Variants in GMIP observed in about 807,000 individuals in gnomAD.
GMIP encodes the protein GEM-interacting protein.
A neutral mutation model predicts 105.3 loss-of-function variants in GMIP; 54 were observed. That is an observed-to-expected ratio of 0.51 (90% CI 0.41 to 0.64). GMIP has a LOEUF of 0.64. Ranked by LOEUF, GMIP falls within the 30% of genes least tolerant of loss-of-function variation. The pLI is 0.00. For synonymous variants in GMIP, 541 were observed against 560.8 expected (o/e 0.96, Z 0.50); for missense variants, 1,110 against 1,319.4 (o/e 0.84, Z 2.46).
chr19:19,643,656 G>T lies in GMIP; in HGVS notation c.-127C>A. On this transcript the variant is annotated 5_prime_UTR_variant, in exon 1 of 21. It adds an upstream start codon to the 5' untranslated region. Transcript: ENST00000203556. ...CCTCGGTTCCGCGTCGCCCTGCCCAGCGGAGGCCACGCCCCCGCATCAGAC... is the reference window on the plus strand; with the variant it reads ...CCTCGGTTCCGCGTCGCCCTGCCCATCGGAGGCCACGCCCCCGCATCAGAC... The T allele has an allele frequency of 1.3e-6, 1 of 742,454 alleles. No individual in the cohort carries two copies. Among genetic ancestry groups the T allele is most frequent in the Non-Finnish European group, 2.1e-6 (1 of 483,794 alleles). The allele number at this position is 742,454 out of a possible 1,614,324, so 46.0% of individuals were successfully genotyped here. A position where few individuals can be genotyped will look rare whatever the true frequency, so the allele number is the denominator to read the frequency against.
intron 2 of GMIP, 44 bp downstream of exon 2, chr19:19,642,491 G>T: frequency 1.6e-6 from 2 of 1,237,654 alleles, no homozygotes; most frequent in Middle Eastern, 1.9e-4. Context: ...TAGGGGCTTG[G>T]GGCATCTTGG....
Position 19,633,891 on chromosome 19 carries a change from G to A in GMIP, c.2384C>T (p.Ser795Phe). 6.6e-7 allele frequency: 1 copy of A among 1,511,956 alleles called. No individual in the cohort carries two copies. The highest frequency in any genetic ancestry group is 8.9e-7 in the Non-Finnish European group (1 of 1,127,618). The allele number at this position is 1,511,956 out of a possible 1,614,324, so 93.7% of individuals were successfully genotyped here. A position where few individuals can be genotyped will look rare whatever the true frequency, so the allele number is the denominator to read the frequency against. ...QPPPPHLDPD[S>F]QPPVLASDPG... ...GTCTGAGGCTAGGACTGGGGGCTGGGAGTCTGGGTCAAGGTGCGGGGGTGG... is the reference window on the plus strand; with the variant it reads ...GTCTGAGGCTAGGACTGGGGGCTGGAAGTCTGGGTCAAGGTGCGGGGGTGG... The change falls in exon 19 of 21, where the codon TCC (serine) becomes TTC (phenylalanine). Residue 795 changes from serine to phenylalanine, a missense_variant. Transcript: ENST00000203556.
chr19:19,640,364 G>C lies in GMIP; in HGVS notation c.365-4C>G, dbSNP rs2061905564. ...GTGCTCTTAGCAAACTCCAGCTCTGGGGGAAGAGAGAGCCGGGCTCTGGGT... is the reference window on the plus strand; with the variant it reads ...GTGCTCTTAGCAAACTCCAGCTCTGCGGGAAGAGAGAGCCGGGCTCTGGGT... On this transcript the variant is annotated splice_region_variant and splice_polypyrimidine_tract_variant and intron_variant, in intron 5 of 20. Coordinates refer to ENST00000203556, the MANE Select transcript of GMIP (RefSeq NM_016573.4). 6.2e-7 allele frequency: 1 copy of C among 1,614,016 alleles called. No homozygotes were observed. Among genetic ancestry groups the C allele is most frequent in the African/African-American group, 1.3e-5 (1 of 74,990 alleles).
intron 7 of GMIP, among the ~76,000 whole-genome samples, chr19:19,639,638 C>T (rs182768938): frequency 4.0e-4 from 61 of 152,156 alleles, no homozygotes; most frequent in Admixed American, 1.0e-3. Flanking sequence ...TACCTGAGGT[C>T]AGGAGTTGGA....
In GMIP at chr19:19,630,124, C is replaced by T; in HGVS notation, c.2752G>A (p.Ala918Thr). Residue 918 changes from alanine to threonine, a missense_variant, in exon 21 of 21, where the codon GCC becomes ACC. By Grantham distance (58) the Ala-to-Thr change is moderately conservative. Around this residue, in one of 3 missense-constraint regions of GMIP, gnomAD observed 394 missense variants for 450.5 expected, o/e 0.87. Coordinates refer to ENST00000203556, the MANE Select transcript of GMIP (RefSeq NM_016573.4). The surrounding 1 kb of genome is among the most constrained non-coding windows in gnomAD (Gnocchi z 4.8). ...LRGRGPSPAA[A>T]SPEGSPLRRT... is the part of the protein sequence containing the mutation. The stretch of plus-strand genomic sequence containing the variant: ...CGCAGGGGGCTGCCCTCAGGGGAGG[C>T]AGCTGCAGGGCTGGGCCCCCGCCCC... The T allele has an allele frequency of 6.2e-7, 1 of 1,607,072 alleles. No individual in the cohort carries two copies. The highest frequency in any genetic ancestry group is 8.5e-7 in the Non-Finnish European group (1 of 1,176,198).
chr19:19,642,115 G>A, intron 2 of GMIP, 64 bp from the exon 3 acceptor site: 4 of 1,049,262 alleles, frequency 3.8e-6, no homozygotes, highest in South Asian at 1.4e-5. Flanking sequence ...AGGGGTGCTG[G>A]GGACCTTAGG....
Position 19,638,488 on chromosome 19 carries a change from A to G in GMIP, c.538-6T>C. 6.2e-7 allele frequency: 1 copy of G among 1,613,426 alleles called. No individual in the cohort carries two copies. The highest frequency in any genetic ancestry group is 8.5e-7 in the Non-Finnish European group (1 of 1,179,694). ...GTCCGTTTGGCGGCGAGGGGCTGGC[A>G]AGGGTTGGGGATGGGGATGGAGACG... is the stretch of plus-strand genomic sequence containing the variant. On this transcript the variant is annotated splice_region_variant and splice_polypyrimidine_tract_variant and intron_variant, in intron 7 of 20. Transcript: ENST00000203556.
At position 19,630,138 on chromosome 19, in the gene GMIP, G is replaced by GGCCCCC. The variant is rs760187467; in HGVS notation, c.2732_2737dup (p.Arg911_Gly912dup). ...CTCAGGGGAGGCAGCTGCAGGGCTG[G>GGCCCCC]GCCCCCGCCCCCGCAAACTCCCTCT... On this transcript the variant is annotated inframe_insertion, in exon 21 of 21. Coordinates refer to ENST00000203556, the MANE Select transcript of GMIP (RefSeq NM_016573.4). The surrounding 1 kb of genome is among the most constrained non-coding windows in gnomAD (Gnocchi z 4.8). 3 of 1,604,424 alleles carry GGCCCCC rather than the reference G, an allele frequency of 1.9e-6. No individual in the cohort carries two copies. Among genetic ancestry groups the GGCCCCC allele is most frequent in the Non-Finnish European group, 8.5e-7 (1 of 1,174,434 alleles).
chr19:19,634,782 G>C lies in GMIP; in HGVS notation c.1887+10C>G. On this transcript the variant is annotated intron_variant, in intron 17 of 20. Coordinates refer to ENST00000203556, the MANE Select transcript of GMIP (RefSeq NM_016573.4). This position sits in a 1 kb window ranked among gnomAD's most constrained non-coding sequence, Gnocchi z 6.1. ...CTGCCCGCGTCCCCCTCAGTGTCCT[G>C]AGCACCAACCTCCTGAAGAAATCGC... is the stretch of plus-strand genomic sequence containing the variant. 6.2e-7 allele frequency: 1 copy of C among 1,613,692 alleles called. No individual in the cohort carries two copies. The highest frequency in any genetic ancestry group is 8.5e-7 in the Non-Finnish European group (1 of 1,179,974).
intron 19 of GMIP, among the ~76,000 whole-genome samples, chr19:19,631,905 G>GCT (rs2061799398): frequency 6.7e-6 from 1 of 150,198 alleles, no homozygotes; most frequent in Non-Finnish European, 1.5e-5. Flanking sequence ...GGAGAATGAC[G>GCT]TGAACCTGGG....
At chr19:19,642,333 C>T (rs1474936185) in intron 2 of GMIP, among the ~76,000 whole-genome samples, 1 of 151,956 alleles carries the variant, frequency 6.6e-6, no homozygotes, top group Non-Finnish European at 1.5e-5. Context: ...GGTTCTAGGA[C>T]CACTTTGGGG....
At position 19,641,803 on chromosome 19, in the gene GMIP, C is replaced by T. The variant is rs540147844; in HGVS notation, c.238+7G>A. Reference sequence around the variant, plus strand: ...TCCCCACTGTCCTGGCCTCCAGACCCCCCTACCTGTGAGGGGTACAGGACC... The same window carrying T: ...TCCCCACTGTCCTGGCCTCCAGACCTCCCTACCTGTGAGGGGTACAGGACC... On this transcript the variant is annotated splice_region_variant and intron_variant, in intron 4 of 20. Transcript: ENST00000203556. 6.2e-7 allele frequency: 1 copy of T among 1,606,098 alleles called. No individual in the cohort carries two copies. The highest frequency in any genetic ancestry group is 1.7e-5 in the Admixed American group (1 of 59,722).
intron 9 of GMIP, 23 bp downstream of exon 9, chr19:19,638,136 G>C: frequency 1.3e-6 from 2 of 1,572,798 alleles, no homozygotes; most frequent in Non-Finnish European, 1.7e-6. Flanking sequence ...CAGCGCTACA[G>C]GGGCTCGGGG....
chr19:19,643,036 T>C (rs2061940003), intron 1 of GMIP: 1 of 203,374 alleles, frequency 4.9e-6, no homozygotes, highest in Non-Finnish European at 1.0e-5. Context: ...AAAGACCGAA[T>C]GACACTCCAC....
Position 19,633,839 on chromosome 19 carries a change from A to G in GMIP, c.2436T>C (p.Ser812=), listed in dbSNP as rs760568724. Reference sequence around the variant, plus strand: ...TGGCCGTGGGATGCTGCTCCAGGGTACTGTGGTGCTGGGGGTCTGGGCCGG... The same window carrying G: ...TGGCCGTGGGATGCTGCTCCAGGGTGCTGTGGTGCTGGGGGTCTGGGCCGG... ...SDPGPDPQHH[S]TLEQHPTATP... The change falls in exon 19 of 21, where the codon AGT becomes AGC. Residue 812 remains serine, a synonymous_variant. Coordinates refer to ENST00000203556, the MANE Select transcript of GMIP (RefSeq NM_016573.4). 2 of 1,496,606 alleles carry G rather than the reference A, an allele frequency of 1.3e-6. No individual in the cohort carries two copies. Among genetic ancestry groups the G allele is most frequent in the South Asian group, 2.8e-5 (2 of 72,236 alleles). 92.7% of individuals were successfully genotyped at this position (1,496,606 alleles called of 1,614,324 possible).
At chr19:19,638,591 A>ATTT (rs776778379) in intron 7 of GMIP, 109 bp from the exon 8 acceptor site, 19 of 689,892 alleles carry the variant, frequency 2.8e-5, no homozygotes, top group Admixed American at 9.4e-5. Flanking sequence ...TCTGGACTCT[A>ATTT]TTTTTTTTTT....
chr19:19,629,849 T>G lies in GMIP; in HGVS notation c.*114A>C. The G allele has an allele frequency of 9.6e-7, 1 of 1,046,776 alleles. No homozygotes were observed. Among genetic ancestry groups the G allele is most frequent in the Non-Finnish European group, 1.4e-6 (1 of 731,912 alleles). The allele number at this position is 1,046,776 out of a possible 1,614,324, so 64.8% of individuals were successfully genotyped here. On this transcript the variant is annotated 3_prime_UTR_variant, in exon 21 of 21. Coordinates refer to ENST00000203556, the MANE Select transcript of GMIP (RefSeq NM_016573.4). ...TTTCCTTATAGGAACCCTCTGGACC[T>G]CTCCCAGCATTGAACTCCTGGCGGG...
rs766302473 is a variant in GMIP, at chr19:19,635,543, G to A, written c.1432C>T (p.Leu478=). ...GTCCACTTCCCGAAGGGGCTGCCCAGCCCATTCTCCAGCCCGTCTCCCAGG... is the reference window on the plus strand; with the variant it reads ...GTCCACTTCCCGAAGGGGCTGCCCAACCCATTCTCCAGCCCGTCTCCCAGG... ...PDLGDGLENG[L]GSPFGKWTLS... The change falls in exon 15 of 21, where the codon CTG becomes TTG. Residue 478 remains leucine, a synonymous_variant. Transcript: ENST00000203556. This position sits in a 1 kb window ranked among gnomAD's most constrained non-coding sequence, Gnocchi z 4.7. 13 of 1,613,634 alleles carry A rather than the reference G, an allele frequency of 8.1e-6. No individual in the cohort carries two copies. Among genetic ancestry groups the A allele is most frequent in the Non-Finnish European group, 1.7e-6 (2 of 1,179,926 alleles).
intron 19 of GMIP, among the ~76,000 whole-genome samples, chr19:19,632,148 G>T (rs1437698881): frequency 6.6e-6 from 1 of 151,840 alleles, no homozygotes; most frequent in South Asian, 2.1e-4. Flanking sequence ...AAAAAAATTA[G>T]CTGGGTGTGG....
Sources: gnomAD v4.1 joint callset for allele counts (sites outside exome capture counted in the v4.1 genomes callset) on GRCh38, gnomAD v4.1.1 for gene constraint, gnomAD v4.1.1 regional missense constraint, Gnocchi (gnomAD v3.1) non-coding constraint, MANE v1.5 for transcripts, NCBI Gene and HGNC (gene_info 2026-07-23, HGNC 2026-07-21) for gene names.